The following ST6GALNAC5 variants were observed in gnomAD, a reference collection of about 807,000 sequenced individuals.
The protein encoded by ST6GALNAC5 is alpha-N-acetylgalactosaminide alpha-2,6-sialyltransferase 5.
ST6GALNAC5 carries 27 observed loss-of-function variants against 33.6 expected under a neutral mutation model. The observed-to-expected ratio is 0.80, with a 90% CI of 0.59 to 1.11. ST6GALNAC5 has a LOEUF of 1.11. Among genes scored for constraint, ST6GALNAC5 ranks in the 50% least tolerant of loss-of-function variants. The pLI, the probability that ST6GALNAC5 is intolerant of heterozygous loss-of-function variation, is 0.00. For synonymous variants in ST6GALNAC5, 194 were observed against 171.2 expected, an observed-to-expected ratio of 1.13 and a Z score of -1.04; for missense variants, 428 against 454.0, an observed-to-expected ratio of 0.94 and a Z score of 0.52.
chr1:76,881,077 T>C (rs1653768050), intron 2 of ST6GALNAC5, among the ~76,000 whole-genome samples: 2 of 152,198 alleles, frequency 1.3e-5, no homozygotes, highest in Non-Finnish European at 2.9e-5. Flanking sequence ...ATATACTCTT[T>C]GGACAGCTGT....
chr1:76,907,844 A>G (rs1356700151), intron 2 of ST6GALNAC5, among the ~76,000 whole-genome samples: 1 of 152,116 alleles, frequency 6.6e-6, no homozygotes, highest in East Asian at 1.9e-4. Context: ...TTTTAGTCTC[A>G]AGATCATCCC....
In ST6GALNAC5 at chr1:77,044,475, G is replaced by A. The variant is rs763562311; in HGVS notation, c.533G>A (p.Arg178Gln). 4.2e-5 allele frequency: 67 copies of A among 1,613,324 alleles called. No homozygotes were observed. Among genetic ancestry groups the A allele is most frequent in the African/African-American group, 6.7e-5 (5 of 74,916 alleles). Reference protein sequence around the residue: ...FIFWGPSSYMRRDGKGQVYNN... With the variant: ...FIFWGPSSYMQRDGKGQVYNN... ...TTCTGGGGCCCCAGCAGCTACATGC[G>A]GCGGGACGGCAAGGGCCAGGTCTAC... The change falls in exon 3 of 5, where the codon CGG (arginine) becomes CAG (glutamine). Residue 178 changes from arginine (R) to glutamine (Q), a missense_variant. By Grantham distance (43) the Arg-to-Gln change is conservative (BLOSUM62 1). Coordinates refer to ENST00000477717, the MANE Select transcript of ST6GALNAC5 (RefSeq NM_030965.3).
chr1:76,986,833 T>TA, intron 2 of ST6GALNAC5, among the ~76,000 whole-genome samples: 2 of 152,102 alleles, frequency 1.3e-5, no homozygotes, highest in Middle Eastern at 3.4e-3. Context: ...TCTGCAGCCA[T>TA]AAAAAAATAA....
intron 2 of ST6GALNAC5, among the ~76,000 whole-genome samples, chr1:76,962,992 T>A (rs1648302674): frequency 6.6e-6 from 1 of 152,212 alleles, no homozygotes. Context: ...TGGAATTGGC[T>A]TCTCAAAGCA....
At chr1:76,888,667 T>C (rs777587621) in intron 2 of ST6GALNAC5, among the ~76,000 whole-genome samples, 1 of 152,140 alleles carries the variant, frequency 6.6e-6, no homozygotes, top group African/African-American at 2.4e-5. Flanking sequence ...CTTCTTCTTA[T>C]TCCATTTTTA....
intron 2 of ST6GALNAC5, among the ~76,000 whole-genome samples, chr1:76,996,382 C>A (rs1411020796): frequency 1.3e-5 from 2 of 151,442 alleles, no homozygotes; most frequent in Non-Finnish European, 1.5e-5. Context: ...TTCCAGGACG[C>A]AAACAAGAAT....
intron 2 of ST6GALNAC5, among the ~76,000 whole-genome samples, chr1:76,897,575 A>G (rs1048805230): frequency 2.6e-5 from 4 of 152,134 alleles, no homozygotes; most frequent in Non-Finnish European, 5.9e-5. Context: ...GTGTGTGATC[A>G]GTCGCCAAGG....
chr1:76,941,128 C>T (rs1647323799), intron 2 of ST6GALNAC5, among the ~76,000 whole-genome samples: 1 of 152,182 alleles, frequency 6.6e-6, no homozygotes, highest in South Asian at 2.1e-4. Context: ...GGATTGAGAA[C>T]TCTGTGAGCT....
intron 2 of ST6GALNAC5, among the ~76,000 whole-genome samples, chr1:76,897,501 T>C (rs1310974484): frequency 6.6e-6 from 1 of 152,096 alleles, no homozygotes; most frequent in Non-Finnish European, 1.5e-5. Context: ...CAAAGCATGC[T>C]GTGGGATGGG....
At chr1:76,933,759 C>T (rs1647167838) in intron 2 of ST6GALNAC5, among the ~76,000 whole-genome samples, 1 of 104,790 alleles carries the variant, frequency 9.5e-6, no homozygotes, top group Admixed American at 1.1e-4. Flanking sequence ...ATTCTTTTCT[C>T]TGCCAAAAAA....
chr1:77,042,913 G>A (rs2100460695), intron 2 of ST6GALNAC5, among the ~76,000 whole-genome samples: 1 of 152,284 alleles, frequency 6.6e-6, no homozygotes, highest in South Asian at 2.1e-4. Context: ...GTGGAAGCAA[G>A]GCTGGGCCCA....
intron 2 of ST6GALNAC5, among the ~76,000 whole-genome samples, chr1:77,030,622 C>G (rs1197224113): frequency 6.6e-6 from 1 of 152,108 alleles, no homozygotes; most frequent in East Asian, 1.9e-4. Context: ...ACAGCTGAAG[C>G]CATGAGTCAG....
At chr1:77,022,628 T>A (rs1486691692) in intron 2 of ST6GALNAC5, among the ~76,000 whole-genome samples, 1 of 152,218 alleles carries the variant, frequency 6.6e-6, no homozygotes, top group Non-Finnish European at 1.5e-5. Context: ...CAGTAAAGTT[T>A]AAGCATTAAG....
At chr1:77,005,567 A>C (rs953168800) in intron 2 of ST6GALNAC5, among the ~76,000 whole-genome samples, 2 of 152,236 alleles carry the variant, frequency 1.3e-5, no homozygotes, top group African/African-American at 2.4e-5. Context: ...AAAATGTATC[A>C]CTTTAATTGT....
intron 2 of ST6GALNAC5, among the ~76,000 whole-genome samples, chr1:76,885,067 T>C (rs1045188468): frequency 1.3e-5 from 2 of 152,124 alleles, no homozygotes; most frequent in Non-Finnish European, 2.9e-5. Context: ...GTTTAAAGGA[T>C]GGGATGGCGC....
intron 2 of ST6GALNAC5, among the ~76,000 whole-genome samples, chr1:76,995,959 C>T (rs541828775): frequency 3.9e-4 from 60 of 152,324 alleles, no homozygotes; most frequent in African/African-American, 1.3e-3. Flanking sequence ...GACCATTAGA[C>T]ATTACTACCT....
chr1:76,899,040 G>A (rs113695929), intron 2 of ST6GALNAC5, among the ~76,000 whole-genome samples: 65 of 152,220 alleles, frequency 4.3e-4, no homozygotes, highest in South Asian at 1.0e-3. Context: ...ACCTCAGACC[G>A]TTTGCCTATT....
At chr1:76,892,376 T>C (rs1654032545) in intron 2 of ST6GALNAC5, among the ~76,000 whole-genome samples, 3 of 152,196 alleles carry the variant, frequency 2.0e-5, no homozygotes, top group Admixed American at 2.0e-4. Context: ...GGCTTTTTTT[T>C]CTCCCCTTTA....
At chr1:76,953,023 C>A (rs907940832) in intron 2 of ST6GALNAC5, among the ~76,000 whole-genome samples, 1 of 152,050 alleles carries the variant, frequency 6.6e-6, no homozygotes, top group African/African-American at 2.4e-5. Context: ...TGTATCATTT[C>A]TTTTATTTCT....
Sources: allele counts gnomAD v4.1 joint callset (sites outside exome capture counted in the v4.1 genomes callset), GRCh38; gene constraint gnomAD v4.1.1; transcripts MANE v1.5; gene names NCBI Gene and HGNC (gene_info 2026-07-23, HGNC 2026-07-21).